The following PALM2AKAP2 variants were observed in gnomAD, a reference collection of about 807,000 sequenced individuals.
PALM2AKAP2 encodes PALM2 and AKAP2 fusion.
Under a neutral mutation model 71.5 loss-of-function variants are expected in PALM2AKAP2, and 37 were observed. That is an observed-to-expected ratio of 0.52 (90% CI 0.40 to 0.68). PALM2AKAP2 has a LOEUF of 0.68. Among genes scored for constraint, PALM2AKAP2 ranks in the 30% least tolerant of loss-of-function variants. The pLI is 0.00. For synonymous variants in PALM2AKAP2, 468 were observed against 478.8 expected, an observed-to-expected ratio of 0.98 and a Z score of 0.29; for missense variants, 1,224 against 1,191.8, an observed-to-expected ratio of 1.03 and a Z score of -0.40.
chr9:110,078,371 G>A (rs564214547), intron 1 of PALM2AKAP2, among the ~76,000 whole-genome samples: 91 of 152,296 alleles, frequency 6.0e-4, no homozygotes, highest in African/African-American at 2.1e-3. Flanking sequence ...ACTGTTTGCT[G>A]AATACAGGAA....
intron 2 of PALM2AKAP2, among the ~76,000 whole-genome samples, chr9:109,872,603 G>T (rs1829629260): frequency 6.6e-6 from 1 of 152,170 alleles, no homozygotes; most frequent in Non-Finnish European, 1.5e-5. Context: ...TATAAAAATT[G>T]TCATTATATT....
intron 1 of PALM2AKAP2, among the ~76,000 whole-genome samples, chr9:110,130,756 G>C (rs1235423291): frequency 6.6e-6 from 1 of 152,180 alleles, no homozygotes; most frequent in East Asian, 1.9e-4. Flanking sequence ...AGATCGTTTA[G>C]TTTTCAAACC....
intron 1 of PALM2AKAP2, among the ~76,000 whole-genome samples, chr9:110,067,015 T>C (rs534925750): frequency 1.3e-5 from 2 of 152,256 alleles, no homozygotes; most frequent in East Asian, 3.9e-4. Context: ...TATCAGATAA[T>C]AGATAATAAT....
intron 2 of PALM2AKAP2, among the ~76,000 whole-genome samples, chr9:110,142,735 A>G (rs1170963474): frequency 6.6e-6 from 1 of 152,230 alleles, no homozygotes; most frequent in Non-Finnish European, 1.5e-5. Flanking sequence ...AACTTGGCAC[A>G]TTTGAGATAT....
intron 1 of PALM2AKAP2, among the ~76,000 whole-genome samples, chr9:109,767,922 G>T (rs1243304747): frequency 1.3e-5 from 2 of 152,268 alleles, no homozygotes; most frequent in African/African-American, 4.8e-5. Flanking sequence ...TGGAAGGAGG[G>T]AAGGTGGGAT....
At chr9:110,004,254 G>C (rs1832736152) in intron 6 of PALM2AKAP2, among the ~76,000 whole-genome samples, 1 of 152,114 alleles carries the variant, frequency 6.6e-6, no homozygotes, top group Non-Finnish European at 1.5e-5. Flanking sequence ...GCATTTGCTT[G>C]TCTGTGAAGT....
intron 1 of PALM2AKAP2, among the ~76,000 whole-genome samples, chr9:110,131,576 G>A (rs544854006): frequency 3.3e-5 from 5 of 152,148 alleles, no homozygotes; most frequent in Admixed American, 6.6e-5. Context: ...TGCCTAATCC[G>A]GATAGGTTAG....
chr9:110,025,163 T>G (rs1833153401), intron 7 of PALM2AKAP2: 1 of 1,384,978 alleles, frequency 7.2e-7, no homozygotes, highest in African/African-American at 1.4e-5. Context: ...TGGGTAACAT[T>G]GTAGACTCTT....
chr9:109,981,974 G>A (rs1832280172), intron 6 of PALM2AKAP2, among the ~76,000 whole-genome samples: 1 of 152,078 alleles, frequency 6.6e-6, no homozygotes, highest in African/African-American at 2.4e-5. Context: ...AGGAAATCAG[G>A]ATATTGAAGA....
At chr9:110,143,429 A>G (rs576844288) in intron 2 of PALM2AKAP2, among the ~76,000 whole-genome samples, 1 of 151,444 alleles carries the variant, frequency 6.6e-6, no homozygotes, top group Non-Finnish European at 1.5e-5. Flanking sequence ...AAAAAAAAAA[A>G]AAAGGAGAGA....
At chr9:110,122,030 C>T (rs979855386) in intron 1 of PALM2AKAP2, among the ~76,000 whole-genome samples, 1 of 152,200 alleles carries the variant, frequency 6.6e-6, no homozygotes, top group Non-Finnish European at 1.5e-5. Context: ...AGCAGCTGGC[C>T]TACGCTTTCA....
intron 1 of PALM2AKAP2, among the ~76,000 whole-genome samples, chr9:109,806,218 TTTTC>T (rs1308464411): frequency 6.6e-6 from 1 of 152,240 alleles, no homozygotes; most frequent in Non-Finnish European, 1.5e-5. Context: ...ATAAAAACAA[TTTTC>T]TTTTTGATTT....
intron 1 of PALM2AKAP2, among the ~76,000 whole-genome samples, chr9:109,712,091 GAT>G: frequency 6.6e-6 from 1 of 152,134 alleles, no homozygotes; most frequent in Non-Finnish European, 1.5e-5. Flanking sequence ...TGAACTGACA[GAT>G]ACATATACTT....
At chr9:109,709,213 A>G (rs1202326953) in intron 1 of PALM2AKAP2, among the ~76,000 whole-genome samples, 2 of 152,206 alleles carry the variant, frequency 1.3e-5, no homozygotes, top group African/African-American at 2.4e-5. Context: ...TTATTGCTGG[A>G]TCTGGCTGTA....
At chr9:110,150,918 A>G (rs1022267115) in intron 2 of PALM2AKAP2, among the ~76,000 whole-genome samples, 2 of 152,200 alleles carry the variant, frequency 1.3e-5, no homozygotes, top group South Asian at 2.1e-4. Context: ...TAAGTTTGAG[A>G]GTCTAAAACA....
chr9:109,842,434 T>G (rs2900498), intron 1 of PALM2AKAP2, among the ~76,000 whole-genome samples: 17,841 of 152,194 alleles, frequency 0.12, 1,555 homozygotes, highest in African/African-American at 0.25. Flanking sequence ...TTGTGATGTT[T>G]GATTGCAATT....
At chr9:109,804,329 C>T (rs1349444266) in intron 1 of PALM2AKAP2, among the ~76,000 whole-genome samples, 1 of 152,156 alleles carries the variant, frequency 6.6e-6, no homozygotes, top group Admixed American at 6.6e-5. Context: ...ATTTTAAATT[C>T]AGTTTGCACA....
intron 1 of PALM2AKAP2, chr9:109,640,902 C>T: frequency 6.6e-7 from 1 of 1,506,498 alleles, no homozygotes; most frequent in Non-Finnish European, 8.8e-7. Context: ...AGCTGCTCTC[C>T]TCTCGGCATG....
At chr9:109,947,354 T>C (rs1260984524) in intron 6 of PALM2AKAP2, among the ~76,000 whole-genome samples, 1 of 152,258 alleles carries the variant, frequency 6.6e-6, no homozygotes, top group Non-Finnish European at 1.5e-5. Context: ...GAGAGTTTCC[T>C]AGAGATACAA....
Sources: allele counts gnomAD v4.1 joint callset (sites outside exome capture counted in the v4.1 genomes callset), GRCh38; gene constraint gnomAD v4.1.1; transcripts MANE v1.5; gene names NCBI Gene and HGNC (gene_info 2026-07-23, HGNC 2026-07-21).